Variants in LBR observed in about 807,000 individuals in gnomAD.
LBR encodes delta(14)-sterol reductase LBR.
In LBR, 28 loss-of-function variants were observed where a neutral mutation model predicts 74.3. That is an observed-to-expected ratio of 0.38 (90% confidence interval 0.28 to 0.52). The LOEUF is 0.52. Among genes scored for constraint, LBR ranks in the 20% least tolerant of loss-of-function variants. The pLI, the probability that LBR is intolerant of heterozygous loss-of-function variation, is 0.89. For missense variants in LBR, 717 were observed against 760.3 expected (o/e 0.94, Z 0.67); for synonymous variants, 228 against 269.3 (o/e 0.85, Z 1.50).
chr1:225,419,772 T>A lies in LBR; in HGVS notation c.393A>T (p.Arg131Ser). ...ILKPFGNSISRYNGEPEHIER... is the reference protein window; with the variant it reads ...ILKPFGNSISSYNGEPEHIER... ...CAATATGCTCAGGCTCCCCATTATA[T>A]CTGCTGATGCTATTTCCAAATGGCT... Residue 131 changes from arginine (R) to serine (S), a missense_variant, in exon 4 of 14, where the codon AGA (arginine) becomes AGT (serine). Transcript: ENST00000272163. The A allele has an allele frequency of 6.2e-7, 1 of 1,611,764 alleles. No homozygotes were observed. The highest frequency in any genetic ancestry group is 8.5e-7 in the Non-Finnish European group (1 of 1,178,140).
At chr1:225,413,442 G>C (rs77996781) in intron 7 of LBR, among the ~76,000 whole-genome samples, 238 of 152,338 alleles carry the variant, frequency 1.6e-3, no homozygotes, top group African/African-American at 5.4e-3. Flanking sequence ...GCCTCAAAGA[G>C]CTGTGATCCT....
Position 225,422,289 on chromosome 1 carries a change from G to T in LBR, c.166-12C>A. 6.2e-7 allele frequency: 1 copy of T among 1,608,686 alleles called. No individual in the cohort carries two copies. On this transcript the variant is annotated splice_polypyrimidine_tract_variant and intron_variant, in intron 2 of 13. Transcript: ENST00000272163. ...AAGGAAGTTAAAGGCTAGAAAGGGG[G>T]AAGAAGGCAAAGAGCTTTACCACAA...
At chr1:225,426,521 G>C (rs2096139405) in intron 1 of LBR, among the ~76,000 whole-genome samples, 1 of 152,230 alleles carries the variant, frequency 6.6e-6, no homozygotes, top group South Asian at 2.1e-4. Context: ...GCTAACTTCA[G>C]AGTCAACTGG....
chr1:225,425,503 T>C (rs904636977), intron 1 of LBR, among the ~76,000 whole-genome samples: 8 of 152,156 alleles, frequency 5.3e-5, no homozygotes, highest in Admixed American at 4.6e-4. Flanking sequence ...GCCCACAAGT[T>C]TTCGGGATGA....
rs978848610 is a variant in LBR at position 225,420,072 on chromosome 1, C to T, written c.367-274G>A. Among the ~76,000 whole-genome samples the T allele has an allele frequency of 2.6e-5, 4 of 152,150 alleles. No individual in the cohort carries two copies. The East Asian group carries it at 7.7e-4, about 29-fold the overall frequency. On this transcript the variant is annotated intron_variant, in intron 3 of 13. Coordinates refer to ENST00000272163, the MANE Select transcript of LBR (RefSeq NM_002296.4). ...CCTGTAATCCCAGCACTTTGGGAGG[C>T]CAAGGCGGGTGGATCACCTGAGGTC...
chr1:225,404,826 C>T (rs2096088154), intron 11 of LBR, 120 bp from the exon 12 acceptor site: 2 of 785,902 alleles, frequency 2.5e-6, no homozygotes, highest in Non-Finnish European at 4.2e-6. Flanking sequence ...AAGCAGACTC[C>T]TAGGCTCAAG....
chr1:225,403,791 C>G lies in LBR; in HGVS notation c.1688-328G>C, dbSNP rs61222848. 2.0e-5 allele frequency among the ~76,000 whole-genome samples: 3 copies of G among 151,986 alleles called. No individual in the cohort carries two copies. The East Asian group carries it at 5.8e-4, about 29-fold the overall frequency. ...AAAAACTGCTGTCTTCCACCACAGG[C>G]TGGGCCACCAAACAGGCAGCAGGCA... On this transcript the variant is annotated intron_variant, in intron 13 of 13. Transcript: ENST00000272163.
chr1:225,408,374 C>A (rs1207285165), intron 10 of LBR, among the ~76,000 whole-genome samples: 1 of 152,164 alleles, frequency 6.6e-6, no homozygotes, highest in African/African-American at 2.4e-5. Context: ...ATAAAGGTGA[C>A]AAATTGGTGG....
At chr1:225,419,675 A>G in intron 4 of LBR, 40 bp downstream of exon 4, 1 of 1,483,570 alleles carries the variant, frequency 6.7e-7, no homozygotes, top group Non-Finnish European at 9.3e-7. Context: ...AAAAAAAAGA[A>G]AAAAAAAAAC....
rs750036742 is a variant in LBR, at chr1:225,411,395, C to T, written c.1130G>A (p.Arg377Gln). The T allele has an allele frequency of 3.1e-6, 5 of 1,613,984 alleles. No individual in the cohort carries two copies. Among genetic ancestry groups the T allele is most frequent in the Admixed American group, 1.7e-5 (1 of 60,000 alleles). Residue 377 changes from arginine (R) to glutamine (Q), a missense_variant, in exon 9 of 14, where the codon CGA (arginine) becomes CAA (glutamine). By Grantham distance (43) the Arg-to-Gln change is conservative. Coordinates refer to ENST00000272163, the MANE Select transcript of LBR (RefSeq NM_002296.4). ...DFFIGRELNP[R>Q]IGTFDLKYFC... ...GTATTTGAGATCAAAAGTACCAATT[C>T]GAGGGTTTAATTCACGGCCAATGAA... is the stretch of plus-strand genomic sequence containing the variant.
chr1:225,410,147 T>C, intron 10 of LBR, 144 bp downstream of exon 10: 1 of 1,248,250 alleles, frequency 8.0e-7, no homozygotes, highest in Non-Finnish European at 1.1e-6. Flanking sequence ...CAGCTTCACA[T>C]GGATGGCCTC....
At chr1:225,428,041 C>G (rs941208860), upstream of LBR, 107 of 152,124 alleles carry the variant, frequency 7.0e-4, no homozygotes, top group African/African-American at 2.4e-3. Flanking sequence ...GCGACGCTAC[C>G]CGGCCGCGCT....
Position 225,416,200 on chromosome 1 carries a change from A to G in LBR, c.838-868T>C, listed in dbSNP as rs1302231649. Among the ~76,000 whole-genome samples, 4 of 139,958 alleles carry G rather than the reference A, an allele frequency of 2.9e-5. No homozygotes were observed. In the East Asian group the frequency reaches 8.0e-4, roughly 28 times the overall value. 91.8% of individuals were successfully genotyped at this position (139,958 alleles called of 152,430 possible). On this transcript the variant is annotated intron_variant, in intron 6 of 13. Transcript: ENST00000272163. ...CAACAGAGCAAGACCCTGTCTCAAG[A>G]AAAAAAAAAAAAAAGAGAGAGAGAG...
chr1:225,406,746 A>T lies in LBR; in HGVS notation c.1401T>A (p.Ile467=). The T allele has an allele frequency of 6.2e-7, 1 of 1,614,192 alleles. No homozygotes were observed. The highest frequency in any genetic ancestry group is 8.5e-7 in the Non-Finnish European group (1 of 1,180,018). ...CTAAATAAAAGGCTTGGAAGCTGTA[A>T]ATAAAGGGAACCCACACCAAGTCTC... ...AFGDLVWVPF[I]YSFQAFYLVS... The change falls in exon 11 of 14, where the codon ATT becomes ATA. Residue 467 remains isoleucine, a synonymous_variant. Transcript: ENST00000272163.
At position 225,403,026 on chromosome 1, in the gene LBR, C is replaced by G; in HGVS notation, c.*277G>C. The G allele has an allele frequency of 2.3e-6, 1 of 430,752 alleles. No individual in the cohort carries two copies. The highest frequency in any genetic ancestry group is 4.2e-6 in the Non-Finnish European group (1 of 236,666). The allele number at this position is 430,752 out of a possible 1,614,324, so 26.7% of individuals were successfully genotyped here. On this transcript the variant is annotated 3_prime_UTR_variant, in exon 14 of 14. Transcript: ENST00000272163. ...TCTTCACAGTACATTTATATTAAGA[C>G]TGTCTTCTGTTTTCAGATTAAGGGT...
At chr1:225,421,246 C>T (rs972122621) in intron 3 of LBR, among the ~76,000 whole-genome samples, 1 of 152,218 alleles carries the variant, frequency 6.6e-6, no homozygotes, top group Non-Finnish European at 1.5e-5. Context: ...GTAATCCCAG[C>T]ACTTTGGGAG....
At chr1:225,424,907 G>T (rs192592246) in intron 1 of LBR, among the ~76,000 whole-genome samples, 1 of 152,128 alleles carries the variant, frequency 6.6e-6, no homozygotes, top group African/African-American at 2.4e-5. Context: ...CAGTAATGCC[G>T]CTCCATCGGC....
chr1:225,417,757 A>G lies in LBR; in HGVS notation c.837+227T>C, dbSNP rs12083979. The G allele has an allele frequency of 0.049, 25,512 of 517,354 alleles. 749 individuals carry two copies. The highest frequency in any genetic ancestry group is 0.064 in the South Asian group (2,784 of 43,652). The allele number at this position is 517,354 out of a possible 1,614,324, so 32.0% of individuals were successfully genotyped here. On this transcript the variant is annotated intron_variant, in intron 6 of 13. Transcript: ENST00000272163. ...CCTAATAAGCAAGTGTTATACAGAC[A>G]GCACAAGAGAAATGGCTTCATGAAC...
chr1:225,405,132 C>T (rs1203291597), intron 11 of LBR, among the ~76,000 whole-genome samples: 1 of 152,186 alleles, frequency 6.6e-6, no homozygotes, highest in Non-Finnish European at 1.5e-5. Context: ...TTAGTTATAC[C>T]TACTGGCCAT....
Sources: allele counts gnomAD v4.1 joint callset (sites outside exome capture counted in the v4.1 genomes callset), GRCh38; gene constraint gnomAD v4.1.1; transcripts MANE v1.5; gene names NCBI Gene and HGNC (gene_info 2026-07-23, HGNC 2026-07-21).